The following HECW1 variants were observed in gnomAD, a reference collection of about 807,000 sequenced individuals.
HECW1 encodes the protein HECT, C2 and WW domain containing E3 ubiquitin protein ligase 1.
Under a neutral mutation model 182.3 loss-of-function variants are expected in HECW1, and 61 were observed. That is an observed-to-expected ratio of 0.33 (90% CI 0.27 to 0.41). HECW1 has a LOEUF of 0.41. HECW1 is among the 10% of genes least tolerant of loss of function. The pLI is 1.00. For missense variants in HECW1, 1,739 were observed against 2,108.9 expected, an observed-to-expected ratio of 0.82 and a Z score of 3.44; for synonymous variants, 859 against 832.6, an observed-to-expected ratio of 1.03 and a Z score of -0.55.
At chr7:43,191,137 T>TTTTA in intron 2 of HECW1, among the ~76,000 whole-genome samples, 1 of 151,466 alleles carries the variant, frequency 6.6e-6, no homozygotes, top group African/African-American at 2.4e-5. Flanking sequence ...CACTCTTGGG[T>TTTTA]TATATATATA....
chr7:43,128,002 C>T (rs947163858), intron 2 of HECW1, among the ~76,000 whole-genome samples: 1 of 152,022 alleles, frequency 6.6e-6, no homozygotes, highest in South Asian at 2.1e-4. Context: ...CTTCAGCTTC[C>T]TGAGTAGCAG....
intron 20 of HECW1, 90 bp from the exon 21 acceptor site, chr7:43,501,123 T>A (rs981475672): frequency 2.9e-6 from 2 of 694,248 alleles, no homozygotes; most frequent in Non-Finnish European, 2.5e-6. Context: ...GAAGTGTAAG[T>A]GCTGCTACCC....
In HECW1 at chr7:43,313,163, T is replaced by C. The variant is rs574447125; in HGVS notation, c.352+1076T>C. Among the ~76,000 whole-genome samples the C allele has an allele frequency of 2.0e-5, 3 of 152,298 alleles. 1 individual carries two copies. The South Asian group carries it at 6.2e-4, about 32-fold the overall frequency. On this transcript the variant is annotated intron_variant, in intron 4 of 29. Coordinates refer to ENST00000395891, the MANE Select transcript of HECW1 (RefSeq NM_015052.5). Reference sequence around the variant, plus strand: ...GGTTAGTGCGTTTATAATACACACATTAATGTAAAGATGGAGGTACATAAA... The same window carrying C: ...GGTTAGTGCGTTTATAATACACACACTAATGTAAAGATGGAGGTACATAAA...
chr7:43,201,037 G>A (rs1794978202), intron 2 of HECW1, among the ~76,000 whole-genome samples: 1 of 152,182 alleles, frequency 6.6e-6, no homozygotes, highest in Non-Finnish European at 1.5e-5. Flanking sequence ...ATTTTGAAAC[G>A]TGGGAGAAGG....
In HECW1 at chr7:43,418,195, C is replaced by G. The variant is rs1195175276; in HGVS notation, c.801+10464C>G. Among the ~76,000 whole-genome samples the G allele has an allele frequency of 3.9e-5, 6 of 152,194 alleles. No individual in the cohort carries two copies. In the South Asian group the frequency reaches 1.0e-3, roughly 26 times the overall value. ...TCAGTCATACGGGATTAGGGCCCAC[C>G]CTAATGGCTTCATCTTAACTTGATT... On this transcript the variant is annotated intron_variant, in intron 8 of 29. Transcript: ENST00000395891.
chr7:43,192,491 A>G (rs1450725452), intron 2 of HECW1, among the ~76,000 whole-genome samples: 1 of 150,404 alleles, frequency 6.6e-6, no homozygotes, highest in Admixed American at 6.6e-5. Context: ...TCTAATATGT[A>G]TCAATAAAAA....
At chr7:43,443,637 A>C (rs1185804656) in intron 10 of HECW1, among the ~76,000 whole-genome samples, 1 of 152,234 alleles carries the variant, frequency 6.6e-6, no homozygotes, top group Non-Finnish European at 1.5e-5. Flanking sequence ...CTTGAGGTGA[A>C]GACCTTGTTT....
chr7:43,119,855 G>A (rs1179506031), intron 2 of HECW1, among the ~76,000 whole-genome samples: 1 of 152,048 alleles, frequency 6.6e-6, no homozygotes, highest in Non-Finnish European at 1.5e-5. Context: ...TCTCCATCCA[G>A]CACAGCCATC....
At chr7:43,303,145 G>A (rs1264900527) in intron 3 of HECW1, among the ~76,000 whole-genome samples, 1 of 152,034 alleles carries the variant, frequency 6.6e-6, no homozygotes, top group Non-Finnish European at 1.5e-5. Context: ...CCAGATTTCA[G>A]CAACTTCGCT....
chr7:43,517,601 A>G (rs2080227785), intron 24 of HECW1, among the ~76,000 whole-genome samples: 1 of 152,162 alleles, frequency 6.6e-6, no homozygotes, highest in South Asian at 2.1e-4. Flanking sequence ...GGTAGAAACC[A>G]CAACATTATG....
At chr7:43,324,022 G>A (rs963316007) in intron 5 of HECW1, among the ~76,000 whole-genome samples, 1 of 143,602 alleles carries the variant, frequency 7.0e-6, no homozygotes, top group Non-Finnish European at 1.5e-5. Flanking sequence ...CGACAAGAGT[G>A]AAACTCTATC....
intron 3 of HECW1, among the ~76,000 whole-genome samples, chr7:43,259,364 G>T (rs917101569): frequency 3.4e-5 from 5 of 147,768 alleles, no homozygotes; most frequent in African/African-American, 1.3e-4. Context: ...TCCAGCCTGG[G>T]CAACAGAGTG....
intron 17 of HECW1, among the ~76,000 whole-genome samples, chr7:43,482,862 A>G (rs1174776750): frequency 6.6e-6 from 1 of 152,134 alleles, no homozygotes; most frequent in Non-Finnish European, 1.5e-5. Context: ...ATGTGTTCAC[A>G]CCACTGCACT....
At chr7:43,265,347 C>G (rs1306615019) in intron 3 of HECW1, among the ~76,000 whole-genome samples, 1 of 152,170 alleles carries the variant, frequency 6.6e-6, no homozygotes, top group African/African-American at 2.4e-5. Context: ...CCATGGCCCT[C>G]CTAACCACAG....
intron 6 of HECW1, among the ~76,000 whole-genome samples, chr7:43,388,408 C>T (rs547830329): frequency 3.4e-4 from 52 of 152,220 alleles, no homozygotes; most frequent in Non-Finnish European, 2.5e-4. Context: ...TCTAAAATGC[C>T]ATGGACTTTC....
At chr7:43,326,661 A>G (rs1208406790) in intron 5 of HECW1, among the ~76,000 whole-genome samples, 2 of 152,196 alleles carry the variant, frequency 1.3e-5, no homozygotes, top group African/African-American at 4.8e-5. Context: ...AGGATCGTAC[A>G]TCCACCTTTT....
chr7:43,466,616 A>G lies in HECW1; in HGVS notation c.2913+48A>G, dbSNP rs763522938. 34 of 1,589,030 alleles carry G rather than the reference A, an allele frequency of 2.1e-5. No homozygotes were observed. The Middle Eastern group carries it at 1.3e-3, about 61-fold the overall frequency. On this transcript the variant is annotated intron_variant, in intron 15 of 29. Transcript: ENST00000395891. ...GGGGCGGCCTGGCTCGGCAAGACCCAAAACACAGCTTTGTAAAGTCATCTG... is the reference window on the plus strand; with the variant it reads ...GGGGCGGCCTGGCTCGGCAAGACCCGAAACACAGCTTTGTAAAGTCATCTG...
intron 2 of HECW1, among the ~76,000 whole-genome samples, chr7:43,178,158 C>T (rs942698173): frequency 1.3e-5 from 2 of 152,166 alleles, no homozygotes; most frequent in Non-Finnish European, 2.9e-5. Context: ...AGGTGCCCAC[C>T]ACCATGCCTG....
chr7:43,384,264 G>A (rs542932862), intron 6 of HECW1, among the ~76,000 whole-genome samples: 1 of 152,298 alleles, frequency 6.6e-6, no homozygotes, highest in South Asian at 2.1e-4. Flanking sequence ...CCCTGGAAAT[G>A]CAGAAGAAGG....
Sources: gnomAD v4.1 joint callset for allele counts (sites outside exome capture counted in the v4.1 genomes callset) on GRCh38, gnomAD v4.1.1 for gene constraint, MANE v1.5 for transcripts, NCBI Gene and HGNC (gene_info 2026-07-23, HGNC 2026-07-21) for gene names.